GRM1: variants seen among roughly 807,000 people sequenced by gnomAD.
GRM1 encodes the protein metabotropic glutamate receptor 1.
Under a neutral mutation model 90.9 loss-of-function variants are expected in GRM1, and 33 were observed. The observed-to-expected ratio is 0.36, with a 90% CI of 0.28 to 0.49. The LOEUF is 0.49. Ranked by LOEUF, GRM1 falls within the 20% of genes least tolerant of loss-of-function variation. The pLI, the probability that GRM1 is intolerant of heterozygous loss-of-function variation, is 0.99. For missense variants in GRM1, 1,190 were observed against 1,534.3 expected (o/e 0.78, Z 3.75); for synonymous variants, 700 against 613.2 (o/e 1.14, Z -2.09).
At chr6:146,248,060 T>C (rs1781134522) in intron 2 of GRM1, among the ~76,000 whole-genome samples, 1 of 151,928 alleles carries the variant, frequency 6.6e-6, no homozygotes, top group Admixed American at 6.6e-5. Context: ...TGCTCTGTTC[T>C]GGGGGAAATA....
At chr6:146,379,930 G>C (rs559734171) in intron 5 of GRM1, among the ~76,000 whole-genome samples, 2,227 of 148,062 alleles carry the variant, frequency 0.015, 219 homozygotes, top group African/African-American at 0.053. Context: ...TACAGAGTCT[G>C]TCTCTCTCTC....
chr6:146,228,003 C>T (rs1562542168), intron 2 of GRM1, among the ~76,000 whole-genome samples: 1 of 152,100 alleles, frequency 6.6e-6, no homozygotes, highest in East Asian at 1.9e-4. Context: ...ACGATTGAAA[C>T]ACTTACTCTC....
intron 2 of GRM1, among the ~76,000 whole-genome samples, chr6:146,291,615 A>G (rs1782988446): frequency 6.6e-6 from 1 of 151,946 alleles, no homozygotes; most frequent in Non-Finnish European, 1.5e-5. Context: ...ACAGGAAACT[A>G]CAAAAGATTG....
chr6:146,104,237 G>A (rs965340287), intron 1 of GRM1, among the ~76,000 whole-genome samples: 8 of 152,128 alleles, frequency 5.3e-5, no homozygotes, highest in African/African-American at 1.7e-4. Context: ...TCAGGAGATT[G>A]AGACCATCCT....
chr6:146,097,295 C>T (rs1438661998), intron 1 of GRM1, among the ~76,000 whole-genome samples: 2 of 152,016 alleles, frequency 1.3e-5, no homozygotes, highest in Non-Finnish European at 2.9e-5. Context: ...ATTTTAAATT[C>T]ATATTCTGGA....
chr6:146,145,507 C>G (rs892441807), intron 1 of GRM1, among the ~76,000 whole-genome samples: 1 of 152,124 alleles, frequency 6.6e-6, no homozygotes, highest in Admixed American at 6.5e-5. Context: ...GCTCAAGTAG[C>G]CCTAGGTACA....
intron 6 of GRM1, among the ~76,000 whole-genome samples, chr6:146,395,322 G>A (rs934348224): frequency 2.0e-5 from 3 of 152,008 alleles, no homozygotes; most frequent in African/African-American, 4.8e-5. Flanking sequence ...AGAGAATATG[G>A]TCCTTTTTAA....
At chr6:146,106,845 G>T (rs1465257452) in intron 1 of GRM1, among the ~76,000 whole-genome samples, 3 of 152,204 alleles carry the variant, frequency 2.0e-5, no homozygotes, top group Non-Finnish European at 4.4e-5. Flanking sequence ...AGGTGATGAG[G>T]CTGGGTAACT....
chr6:146,402,030 A>G (rs1777176043), intron 7 of GRM1, among the ~76,000 whole-genome samples: 2 of 152,166 alleles, frequency 1.3e-5, no homozygotes, highest in Non-Finnish European at 2.9e-5. Flanking sequence ...AGAAATTTAG[A>G]AATTAATTTC....
intron 3 of GRM1, among the ~76,000 whole-genome samples, chr6:146,347,305 G>A (rs1240002087): frequency 6.6e-6 from 1 of 152,188 alleles, no homozygotes; most frequent in African/African-American, 2.4e-5. Context: ...GCCTGCATAT[G>A]AATTCCTCAT....
intron 5 of GRM1, among the ~76,000 whole-genome samples, chr6:146,360,637 C>T (rs1412422987): frequency 6.6e-6 from 1 of 152,132 alleles, no homozygotes; most frequent in Admixed American, 6.6e-5. Context: ...AGTGAGGGCA[C>T]CCTGGTTTTT....
intron 1 of GRM1, among the ~76,000 whole-genome samples, chr6:146,081,324 A>G (rs895599642): frequency 2.6e-5 from 4 of 152,242 alleles, no homozygotes; most frequent in Non-Finnish European, 1.5e-5. Context: ...AGGCCAAAAA[A>G]TAAAATAAAG....
intron 2 of GRM1, among the ~76,000 whole-genome samples, chr6:146,216,387 G>A (rs1779871761): frequency 2.0e-5 from 3 of 151,716 alleles, no homozygotes; most frequent in Non-Finnish European, 2.9e-5. Flanking sequence ...GATAATTAGT[G>A]GTAAAAAAAA....
At chr6:146,366,610 C>T (rs1280556846) in intron 5 of GRM1, among the ~76,000 whole-genome samples, 1 of 152,096 alleles carries the variant, frequency 6.6e-6, no homozygotes, top group Non-Finnish European at 1.5e-5. Context: ...TCTTTCTGTG[C>T]TTTGCTTATT....
chr6:146,283,996 T>C (rs559228699), intron 2 of GRM1, among the ~76,000 whole-genome samples: 1 of 152,340 alleles, frequency 6.6e-6, no homozygotes, highest in African/African-American at 2.4e-5. Flanking sequence ...AATTCATGGT[T>C]TTGTAATTGC....
chr6:146,362,967 A>G (rs1458872618), intron 5 of GRM1, among the ~76,000 whole-genome samples: 2 of 152,032 alleles, frequency 1.3e-5, no homozygotes, highest in African/African-American at 2.4e-5. Context: ...CCACTAAGAA[A>G]CCATTTATAT....
chr6:146,195,748 A>C (rs1266186315), intron 2 of GRM1, among the ~76,000 whole-genome samples: 1 of 152,254 alleles, frequency 6.6e-6, no homozygotes, highest in Non-Finnish European at 1.5e-5. Flanking sequence ...GATGCACAGC[A>C]AGATAAAGAA....
At chr6:146,270,897 CTTTCTTT>C (rs1782115752) in intron 2 of GRM1, among the ~76,000 whole-genome samples, 2 of 113,852 alleles carry the variant, frequency 1.8e-5, no homozygotes, top group African/African-American at 8.4e-5. Flanking sequence ...TTCTTTCTTT[CTTTCTTT>C]CTTTCTTTCT....
intron 4 of GRM1, among the ~76,000 whole-genome samples, chr6:146,356,429 G>T (rs1785586599): frequency 6.7e-6 from 1 of 149,964 alleles, no homozygotes; most frequent in African/African-American, 2.4e-5. Context: ...AAGGGGGCTA[G>T]AAAGCTTTTT....
Sources: allele counts gnomAD v4.1 joint callset (sites outside exome capture counted in the v4.1 genomes callset), GRCh38; gene constraint gnomAD v4.1.1; transcripts MANE v1.5; gene names NCBI Gene and HGNC (gene_info 2026-07-23, HGNC 2026-07-21).